Variants in CWC15 observed in about 807,000 individuals in gnomAD.
CWC15 encodes spliceosome-associated protein CWC15 homolog.
In CWC15, 12 loss-of-function variants were observed where a neutral mutation model predicts 28.4. The observed-to-expected ratio is 0.42, with a 90% CI of 0.27 to 0.69. The LOEUF (loss-of-function observed/expected upper bound fraction) is 0.69, where lower values mean the gene tolerates loss of function less well. Among genes scored for constraint, CWC15 ranks in the 30% least tolerant of loss-of-function variants. The probability of loss-of-function intolerance (pLI) is 0.23; values close to 1 mark genes in which losing one functional copy is unlikely to be tolerated. For synonymous variants in CWC15, 92 were observed against 88.4 expected (o/e 1.04, Z -0.23); for missense variants, 192 against 271.5 (o/e 0.71, Z 2.06).
chr11:94,972,597 C>A (rs1857738387), intron 1 of CWC15, among the ~76,000 whole-genome samples: 1 of 152,186 alleles, frequency 6.6e-6, no homozygotes. Context: ...AAATTTCCAA[C>A]TCAACCTTAC....
intron 5 of CWC15, among the ~76,000 whole-genome samples, chr11:94,967,010 G>C (rs939924925): frequency 1.5e-4 from 23 of 151,554 alleles, no homozygotes; most frequent in African/African-American, 5.6e-4. Flanking sequence ...TAATTTACCT[G>C]AGGTTGATCT....
intron 6 of CWC15, among the ~76,000 whole-genome samples, chr11:94,964,012 T>A (rs746814521): frequency 1.4e-4 from 21 of 152,082 alleles, no homozygotes; most frequent in Non-Finnish European, 2.1e-4. Flanking sequence ...AAGGAATCAT[T>A]GGGGTATAAT....
intron 5 of CWC15, among the ~76,000 whole-genome samples, chr11:94,967,310 G>C (rs1379789862): frequency 6.6e-6 from 1 of 152,190 alleles, no homozygotes; most frequent in Non-Finnish European, 1.5e-5. Flanking sequence ...ACAGGCGTGA[G>C]CCACCGTGCC....
intron 6 of CWC15, among the ~76,000 whole-genome samples, chr11:94,964,213 A>G (rs896120435): frequency 6.6e-6 from 1 of 152,210 alleles, no homozygotes; most frequent in Non-Finnish European, 1.5e-5. Context: ...AGCATATAAA[A>G]CACAGGCCCA....
intron 1 of CWC15, chr11:94,973,254 A>C (rs1857755164): frequency 6.6e-6 from 1 of 151,148 alleles, no homozygotes; most frequent in Non-Finnish European, 1.5e-5. Flanking sequence ...AGGGGTGCGA[A>C]GGGTAGTGAA....
intron 2 of CWC15, 25 bp from the exon 3 acceptor site, chr11:94,971,512 A>G: frequency 7.1e-7 from 1 of 1,409,046 alleles, no homozygotes; most frequent in Non-Finnish European, 9.9e-7. Context: ...AACCAGGGCA[A>G]AAATGTTACT....
At chr11:94,972,637 A>T (rs587700816) in intron 1 of CWC15, among the ~76,000 whole-genome samples, 2 of 152,348 alleles carry the variant, frequency 1.3e-5, no homozygotes, top group South Asian at 2.1e-4. Flanking sequence ...TTTGCATTTT[A>T]TCTAAACTTC....
intron 1 of CWC15, 136 bp from the exon 2 acceptor site, chr11:94,972,329 G>T: frequency 1.2e-6 from 1 of 835,636 alleles, no homozygotes; most frequent in Non-Finnish European, 1.8e-6. Flanking sequence ...TTAAACAAAA[G>T]TTTTCAAGAA....
At chr11:94,970,879 A>T in intron 4 of CWC15, 98 bp downstream of exon 4, 1 of 1,006,298 alleles carries the variant, frequency 9.9e-7, no homozygotes, top group Non-Finnish European at 1.6e-6. Flanking sequence ...GTAACTAAAC[A>T]TAAATATATG....
Position 94,963,141 on chromosome 11 carries a change from A to T in CWC15, c.*244T>A, listed in dbSNP as rs1274815752. On this transcript the variant is annotated 3_prime_UTR_variant, in exon 7 of 7. Transcript: ENST00000279839. ...TTGGTTATTTAGATTAAAAATATTT[A>T]TTACAGGCAGATTTGCTTTTCCCAG... The T allele has an allele frequency of 7.1e-6, 2 of 283,650 alleles. No individual in the cohort carries two copies. The highest frequency in any genetic ancestry group is 4.4e-5 in the African/African-American group (2 of 45,890). The allele number at this position is 283,650 out of a possible 1,614,324, so 17.6% of individuals were successfully genotyped here.
At chr11:94,963,642 A>C (rs1409919884) in intron 6 of CWC15, 128 bp from the exon 7 acceptor site, 1 of 624,022 alleles carries the variant, frequency 1.6e-6, no homozygotes. Flanking sequence ...TGATGCAGCA[A>C]TTACACTCAA....
intron 6 of CWC15, among the ~76,000 whole-genome samples, chr11:94,964,980 G>A (rs782101722): frequency 5.3e-5 from 8 of 152,328 alleles, no homozygotes; most frequent in East Asian, 3.9e-4. Flanking sequence ...ACTAATTCCC[G>A]AACTGTATCA....
At chr11:94,967,009 T>A (rs908400322) in intron 5 of CWC15, among the ~76,000 whole-genome samples, 3 of 151,902 alleles carry the variant, frequency 2.0e-5, no homozygotes, top group Non-Finnish European at 4.4e-5. Context: ...CTAATTTACC[T>A]GAGGTTGATC....
At chr11:94,964,571 C>A (rs1311937759) in intron 6 of CWC15, among the ~76,000 whole-genome samples, 1 of 152,190 alleles carries the variant, frequency 6.6e-6, no homozygotes, top group African/African-American at 2.4e-5. Flanking sequence ...CTTTCCTCAA[C>A]TCCAAACAGG....
chr11:94,969,129 ACCT>A (rs1431094914), intron 5 of CWC15, among the ~76,000 whole-genome samples: 5 of 151,820 alleles, frequency 3.3e-5, no homozygotes, highest in South Asian at 2.1e-4. Context: ...TGTCAACTCA[ACCT>A]CCTTTTTTAT....
intron 4 of CWC15, 32 bp from the exon 5 acceptor site, chr11:94,970,128 A>T: frequency 8.5e-7 from 1 of 1,182,350 alleles, no homozygotes; most frequent in South Asian, 1.4e-5. Context: ...AGAAGATTGG[A>T]GGGAAAATAC....
At chr11:94,970,175 A>G in intron 4 of CWC15, 79 bp from the exon 5 acceptor site, 1 of 573,924 alleles carries the variant, frequency 1.7e-6, no homozygotes, top group Non-Finnish European at 2.8e-6. Flanking sequence ...ACAACGTATC[A>G]CCCTAAGAAA....
At chr11:94,971,197 G>A (rs1233578139) in intron 3 of CWC15, 132 bp from the exon 4 acceptor site, 1 of 990,916 alleles carries the variant, frequency 1.0e-6, no homozygotes, top group Non-Finnish European at 1.6e-6. Flanking sequence ...CACAGTGCCT[G>A]GGCAAATAAG....
intron 5 of CWC15, 69 bp from the exon 6 acceptor site, chr11:94,966,482 T>C: frequency 1.3e-6 from 1 of 754,246 alleles, no homozygotes; most frequent in Non-Finnish European, 1.9e-6. Flanking sequence ...TTATATTAGC[T>C]CACTGAAAAA....
Sources: gnomAD v4.1 joint callset for allele counts (sites outside exome capture counted in the v4.1 genomes callset) on GRCh38, gnomAD v4.1.1 for gene constraint, MANE v1.5 for transcripts, NCBI Gene and HGNC (gene_info 2026-07-23, HGNC 2026-07-21) for gene names.